The following BEND4 variants were observed in gnomAD, a reference collection of about 807,000 sequenced individuals.
BEND4 encodes BEN domain-containing protein 4.
In BEND4, 27 loss-of-function variants were observed where a neutral mutation model predicts 54.7. The observed-to-expected ratio is 0.49, with a 90% CI of 0.36 to 0.68. BEND4 has a LOEUF of 0.68. Among genes scored for constraint, BEND4 ranks in the 30% least tolerant of loss-of-function variants. The pLI is 0.00. For synonymous variants in BEND4, 327 were observed against 299.5 expected (o/e 1.09, Z -0.95); for missense variants, 702 against 697.2 (o/e 1.01, Z -0.08).
At position 42,113,757 on chromosome 4, in the gene BEND4, A is replaced by T. The variant is rs1269499911; in HGVS notation, c.*3761T>A. 1 of 152,234 alleles carries T rather than the reference A, an allele frequency of 6.6e-6. No individual in the cohort carries two copies. The highest frequency in any genetic ancestry group is 1.5e-5 in the Non-Finnish European group (1 of 68,044). The allele number at this position is 152,234 out of a possible 1,614,324, so 9.4% of individuals were successfully genotyped here. ...ATGTCAATGTGTCTGTCACTGACAA[A>T]GGGATAAGGAACAATGCAGAATACC... is the stretch of plus-strand genomic sequence containing the variant. On this transcript the variant is annotated 3_prime_UTR_variant, in exon 6 of 6. Transcript: ENST00000502486.
chr4:42,132,440 A>ATTATTTAT (rs10677500), intron 3 of BEND4, among the ~76,000 whole-genome samples: 6,809 of 150,658 alleles, frequency 0.045, 529 homozygotes, highest in African/African-American at 0.16. Context: ...TTTTTATTTT[A>ATTATTTAT]TTATTTATTT....
At chr4:42,122,339 T>C (rs549870039) in intron 4 of BEND4, among the ~76,000 whole-genome samples, 1 of 152,086 alleles carries the variant, frequency 6.6e-6, no homozygotes, top group South Asian at 2.1e-4. Flanking sequence ...AGACCAGCCG[T>C]CTCCCACCAG....
At chr4:42,131,604 T>C (rs1720511824) in intron 3 of BEND4, among the ~76,000 whole-genome samples, 2 of 152,102 alleles carry the variant, frequency 1.3e-5, no homozygotes, top group African/African-American at 4.8e-5. Context: ...ATGCACAACA[T>C]TTAGGCAGCA....
intron 4 of BEND4, among the ~76,000 whole-genome samples, chr4:42,123,694 G>GAAAAAAAAAAACAAAAAAAAAAAAAAAA (rs1553921966): frequency 7.9e-5 from 4 of 50,802 alleles, no homozygotes; most frequent in Non-Finnish European, 1.6e-4. Context: ...CTGTAATTCA[G>GAAAAAAAAAAACAAAAAAAAAAAAAAAA]AAAAAAAAAA....
rs1577744189 is a variant in BEND4, at chr4:42,117,619, T to C, written c.1504A>G (p.Thr502Ala). The C allele has an allele frequency of 1.9e-6, 3 of 1,612,948 alleles. No homozygotes were observed. Among genetic ancestry groups the C allele is most frequent in the Non-Finnish European group, 2.5e-6 (3 of 1,179,480 alleles). ...AATGAGCCACCGTTGTGCAGGAAAGTCCCCACCGCCCGCCCCTGTCGGGCG... is the reference window on the plus strand; with the variant it reads ...AATGAGCCACCGTTGTGCAGGAAAGCCCCCACCGCCCGCCCCTGTCGGGCG... ...GHARQGRAVGTFLHNGGSFYE... is the reference protein window; with the variant it reads ...GHARQGRAVGAFLHNGGSFYE... Residue 502 changes from threonine to alanine, a missense_variant, in exon 6 of 6, where the codon ACT becomes GCT. Coordinates refer to ENST00000502486, the MANE Select transcript of BEND4 (RefSeq NM_207406.4).
At position 42,117,718 on chromosome 4, in the gene BEND4, A is replaced by T; in HGVS notation, c.1405T>A (p.Cys469Ser). 6.2e-7 allele frequency: 1 copy of T among 1,602,010 alleles called. No individual in the cohort carries two copies. The highest frequency in any genetic ancestry group is 8.5e-7 in the Non-Finnish European group (1 of 1,173,684). ...ATCCACCAATCGGGGTTGGAGGTAC[A>T]ATGCATCCTAATGAATTCTGCAGGA... ...TCLREFIRMHCTSNPDWWMPS... is the reference protein window; with the variant it reads ...TCLREFIRMHSTSNPDWWMPS... The change falls in exon 6 of 6, where the codon TGT (cysteine) becomes AGT (serine). Residue 469 changes from cysteine (C) to serine (S), a missense_variant. Coordinates refer to ENST00000502486, the MANE Select transcript of BEND4 (RefSeq NM_207406.4).
rs774629426 is a variant in BEND4 at position 42,152,276 on chromosome 4, GGCC to G, written c.-136_-134del. Reference sequence around the variant, plus strand: ...GTGGGAGGGTGTGTGTCTGTGCCGTGGCCGCCGCCGCCGCCGCCTGTCGCTGAG... The same window carrying G: ...GTGGGAGGGTGTGTGTCTGTGCCGTGGCCGCCGCCGCCGCCTGTCGCTGAG... On this transcript the variant is annotated 5_prime_UTR_variant, in exon 2 of 6. Transcript: ENST00000502486. The G allele has an allele frequency of 1.0e-3, 931 of 920,644 alleles. No individual in the cohort carries two copies. Among genetic ancestry groups the G allele is most frequent in the Middle Eastern group, 2.3e-3 (6 of 2,566 alleles). The allele number at this position is 920,644 out of a possible 1,614,324, so 57.0% of individuals were successfully genotyped here.
intron 3 of BEND4, among the ~76,000 whole-genome samples, chr4:42,136,583 T>C (rs1160369447): frequency 6.6e-6 from 1 of 152,262 alleles, no homozygotes. Context: ...CAGCTGAAGC[T>C]TAACAACGGG....
At chr4:42,137,589 A>C (rs532724785) in intron 3 of BEND4, among the ~76,000 whole-genome samples, 60 of 152,334 alleles carry the variant, frequency 3.9e-4, no homozygotes, top group African/African-American at 9.9e-4. Context: ...CTACAAGAAC[A>C]ACCACAAAAT....
chr4:42,129,407 C>T (rs1720420718), intron 3 of BEND4, among the ~76,000 whole-genome samples: 1 of 152,104 alleles, frequency 6.6e-6, no homozygotes, highest in Non-Finnish European at 1.5e-5. Flanking sequence ...ACATTCTTCA[C>T]AGAATTAGAA....
intron 3 of BEND4, among the ~76,000 whole-genome samples, chr4:42,137,442 C>T (rs1427503965): frequency 2.0e-5 from 3 of 152,134 alleles, no homozygotes; most frequent in African/African-American, 7.2e-5. Flanking sequence ...GGGGAATGCT[C>T]CTGGACACTG....
At chr4:42,120,328 G>A (rs369113237) in intron 4 of BEND4, 34 bp from the exon 5 acceptor site, 71 of 1,584,988 alleles carry the variant, frequency 4.5e-5, no homozygotes, top group South Asian at 9.0e-5. Context: ...ATTACCCACC[G>A]AGCCAGCCAG....
chr4:42,136,114 C>G (rs756389280), intron 3 of BEND4, among the ~76,000 whole-genome samples: 44 of 152,280 alleles, frequency 2.9e-4, no homozygotes, highest in Non-Finnish European at 4.9e-4. Context: ...CACCTCAGAG[C>G]CCCCACTTTA....
chr4:42,148,666 G>A (rs976693723), intron 2 of BEND4, among the ~76,000 whole-genome samples: 3 of 152,300 alleles, frequency 2.0e-5, no homozygotes, highest in South Asian at 4.1e-4. Flanking sequence ...AGTTGAAGAA[G>A]ATAAAATATC....
chr4:42,121,736 G>A (rs1468057407), intron 4 of BEND4, among the ~76,000 whole-genome samples: 2 of 152,170 alleles, frequency 1.3e-5, no homozygotes, highest in East Asian at 1.9e-4. Flanking sequence ...GATGAGAGAC[G>A]GAGGTCTGAA....
chr4:42,129,756 A>G (rs1435924178), intron 3 of BEND4, among the ~76,000 whole-genome samples: 2 of 152,240 alleles, frequency 1.3e-5, no homozygotes, highest in Non-Finnish European at 2.9e-5. Flanking sequence ...AAATTAACTC[A>G]GAATGGATGA....
intron 4 of BEND4, among the ~76,000 whole-genome samples, chr4:42,123,729 G>T (rs28736357): frequency 0.4 from 58,354 of 146,082 alleles, 17,164 homozygotes; most frequent in African/African-American, 0.85. Context: ...AACTTTCCAG[G>T]GTGGAGAACA....
At position 42,113,848 on chromosome 4, in the gene BEND4, A is replaced by AGAT. The variant is rs2153143806; in HGVS notation, c.*3667_*3669dup. The AGAT allele has an allele frequency of 6.6e-6, 1 of 152,316 alleles. No individual in the cohort carries two copies. The highest frequency in any genetic ancestry group is 2.1e-4 in the South Asian group (1 of 4,822). The allele number at this position is 152,316 out of a possible 1,614,324, so 9.4% of individuals were successfully genotyped here. On this transcript the variant is annotated 3_prime_UTR_variant, in exon 6 of 6. Transcript: ENST00000502486. ...TATGTCTCGAATCCCCTACAAAAGG[A>AGAT]GATAACAATTTTCTGCAAATGCTCT...
intron 3 of BEND4, among the ~76,000 whole-genome samples, chr4:42,130,170 T>C (rs932577388): frequency 2.6e-5 from 4 of 152,152 alleles, no homozygotes; most frequent in African/African-American, 9.6e-5. Flanking sequence ...CACTGATCAT[T>C]AGAGAAATGC....
Sources: gnomAD v4.1 joint callset for allele counts (sites outside exome capture counted in the v4.1 genomes callset) on GRCh38, gnomAD v4.1.1 for gene constraint, MANE v1.5 for transcripts, NCBI Gene and HGNC (gene_info 2026-07-23, HGNC 2026-07-21) for gene names.